Variants in NOS1 observed in about 807,000 individuals in gnomAD.
NOS1 encodes nitric oxide synthase 1.
A neutral mutation model predicts 164.5 loss-of-function variants in NOS1; 51 were observed. That is an observed-to-expected ratio of 0.31 (90% CI 0.25 to 0.39). The LOEUF (loss-of-function observed/expected upper bound fraction) is 0.39, where lower values mean the gene tolerates loss of function less well. Ranked by LOEUF, NOS1 falls within the 10% of genes least tolerant of loss-of-function variation. The pLI, the probability that NOS1 is intolerant of heterozygous loss-of-function variation, is 1.00. For missense variants in NOS1, 1,362 were observed against 1,885.6 expected, an observed-to-expected ratio of 0.72 and a Z score of 5.14; for synonymous variants, 719 against 745.8, an observed-to-expected ratio of 0.96 and a Z score of 0.59.
chr12:117,337,125 TTTTTTTTTG>T, intron 1 of NOS1, among the ~76,000 whole-genome samples: 1 of 123,588 alleles, frequency 8.1e-6, no homozygotes, highest in African/African-American at 2.9e-5. Context: ...TTTTTTTTTT[TTTTTTTTTG>T]AGACGGAGTC....
intron 25 of NOS1, among the ~76,000 whole-genome samples, chr12:117,224,387 G>A (rs954546181): frequency 4.6e-5 from 7 of 152,074 alleles, no homozygotes; most frequent in African/African-American, 2.4e-5. Context: ...CCGGGTTCAC[G>A]CCATTCTCTC....
At chr12:117,339,913 G>A (rs1177503354) in intron 1 of NOS1, among the ~76,000 whole-genome samples, 2 of 152,206 alleles carry the variant, frequency 1.3e-5, no homozygotes, top group Non-Finnish European at 2.9e-5. Context: ...AGTACCAGTG[G>A]TTACTTCTAG....
intron 2 of NOS1, among the ~76,000 whole-genome samples, chr12:117,327,656 G>A (rs1875321194): frequency 1.3e-5 from 2 of 152,182 alleles, no homozygotes; most frequent in South Asian, 2.1e-4. Flanking sequence ...AGTTCCCCAC[G>A]CATGCATCTA....
At chr12:117,337,410 C>G (rs1241669644) in intron 1 of NOS1, among the ~76,000 whole-genome samples, 1 of 152,054 alleles carries the variant, frequency 6.6e-6, no homozygotes, top group African/African-American at 2.4e-5. Flanking sequence ...GCCACCGTGC[C>G]CGGCCGCGCT....
At chr12:117,246,405 G>A (rs1328138360) in intron 18 of NOS1, among the ~76,000 whole-genome samples, 1 of 152,080 alleles carries the variant, frequency 6.6e-6, no homozygotes, top group Non-Finnish European at 1.5e-5. Context: ...AAAAGTGCTG[G>A]GACAACAAGC....
intron 1 of NOS1, among the ~76,000 whole-genome samples, chr12:117,351,092 C>T (rs1222499822): frequency 6.6e-6 from 1 of 151,226 alleles, no homozygotes. Context: ...CCAGCCTGGG[C>T]GACAGAGCAA....
intron 20 of NOS1, among the ~76,000 whole-genome samples, chr12:117,235,812 G>A (rs1869661125): frequency 6.6e-6 from 1 of 152,204 alleles, no homozygotes; most frequent in African/African-American, 2.4e-5. Context: ...GGAGGTGGAG[G>A]TACACAGATC....
chr12:117,293,361 C>T (rs2136029895), intron 3 of NOS1, among the ~76,000 whole-genome samples: 2 of 152,272 alleles, frequency 1.3e-5, no homozygotes, highest in East Asian at 3.9e-4. Context: ...CGGGTGGGAG[C>T]TATCTTAATC....
chr12:117,316,046 C>T (rs1161692294), intron 2 of NOS1, among the ~76,000 whole-genome samples: 1 of 152,162 alleles, frequency 6.6e-6, no homozygotes, highest in Non-Finnish European at 1.5e-5. Flanking sequence ...GGCAATTGAG[C>T]ATTTGAAATG....
chr12:117,292,398 C>G (rs1354197980), intron 3 of NOS1, among the ~76,000 whole-genome samples: 1 of 151,980 alleles, frequency 6.6e-6, no homozygotes, highest in Non-Finnish European at 1.5e-5. Flanking sequence ...GAGATAAAAT[C>G]AGAAAGGAGG....
intron 1 of NOS1, among the ~76,000 whole-genome samples, chr12:117,341,926 T>C (rs1398413385): frequency 6.6e-6 from 1 of 152,244 alleles, no homozygotes; most frequent in Non-Finnish European, 1.5e-5. Context: ...AGAGTCACTT[T>C]AGATTACACA....
intron 8 of NOS1, among the ~76,000 whole-genome samples, chr12:117,280,125 G>T (rs933964642): frequency 6.6e-6 from 1 of 152,130 alleles, no homozygotes; most frequent in Admixed American, 6.5e-5. Context: ...CTACCTGCCC[G>T]CACTACCACC....
Position 117,253,764 on chromosome 12 carries a change from C to G in NOS1, c.2532-10G>C. The stretch of plus-strand genomic sequence containing the variant: ...TCGGACCTTGTAGCTCCTGCCAAAA[C>G]CAAAGAGAACCTGTGAGCTCTGGCC... On this transcript the variant is annotated splice_polypyrimidine_tract_variant and intron_variant, in intron 16 of 28. Coordinates refer to ENST00000317775, the MANE Select transcript of NOS1 (RefSeq NM_000620.5). The G allele has an allele frequency of 6.3e-7, 1 of 1,593,240 alleles. No individual in the cohort carries two copies. The highest frequency in any genetic ancestry group is 1.3e-5 in the African/African-American group (1 of 74,568).
chr12:117,290,166 G>T, intron 4 of NOS1, 132 bp downstream of exon 4: 1 of 1,039,042 alleles, frequency 9.6e-7, no homozygotes, highest in Non-Finnish European at 1.4e-6. Context: ...GACATCTAGG[G>T]GGTATGGGTC....
At chr12:117,253,539 A>C (rs968693059) in intron 17 of NOS1, 99 bp downstream of exon 17, 3 of 790,736 alleles carry the variant, frequency 3.8e-6, no homozygotes, top group Middle Eastern at 3.8e-4. Context: ...ATGAATGGAC[A>C]CTACCTCTCC....
At chr12:117,228,778 T>C (rs1868926331) in intron 22 of NOS1, among the ~76,000 whole-genome samples, 1 of 152,120 alleles carries the variant, frequency 6.6e-6, no homozygotes, top group Non-Finnish European at 1.5e-5. Flanking sequence ...ATTTTTAAAC[T>C]TTTTTAAATT....
chr12:117,330,331 C>CA lies in NOS1; in HGVS notation c.725+13_725+14insT. On this transcript the variant is annotated intron_variant, in intron 2 of 28. Transcript: ENST00000317775. This position sits in a 1 kb window ranked among gnomAD's most constrained non-coding sequence, Gnocchi z 4.6. ...ACACACACACACACACACACACACC[C>CA]CTGTGGAGCTTACCTGTCCACCTGG... 6.2e-7 allele frequency: 1 copy of CA among 1,603,774 alleles called. No homozygotes were observed.
intron 2 of NOS1, among the ~76,000 whole-genome samples, chr12:117,322,772 T>C (rs1161654488): frequency 8.0e-6 from 1 of 124,886 alleles, no homozygotes; most frequent in East Asian, 2.7e-4. Flanking sequence ...CTTCCTTCCC[T>C]CTCTCCTTCC....
rs748892549 is a variant in NOS1 at position 117,213,671 on chromosome 12, C to T, written c.*1638G>A. ...CAAACTGAACAACAAGATATGCCCA[C>T]GTACAGTATATAAAAGAAATGTGGT... On this transcript the variant is annotated 3_prime_UTR_variant, in exon 29 of 29. Transcript: ENST00000317775. 3.9e-5 allele frequency: 38 copies of T among 985,240 alleles called. No individual in the cohort carries two copies. Among genetic ancestry groups the T allele is most frequent in the Middle Eastern group, 5.2e-4 (1 of 1,936 alleles). 61.0% of individuals were successfully genotyped at this position (985,240 alleles called of 1,614,324 possible).
Sources: gnomAD v4.1 joint callset for allele counts (sites outside exome capture counted in the v4.1 genomes callset) on GRCh38, gnomAD v4.1.1 for gene constraint, Gnocchi (gnomAD v3.1) non-coding constraint, MANE v1.5 for transcripts, NCBI Gene and HGNC (gene_info 2026-07-23, HGNC 2026-07-21) for gene names.